Variants in ERMP1 observed in about 807,000 individuals in gnomAD.
ERMP1 encodes endoplasmic reticulum metallopeptidase 1, also known as Felix-ina.
In ERMP1, 86 loss-of-function variants were observed where a neutral mutation model predicts 92.0. The ratio of observed to expected loss-of-function variants is 0.93; its 90% CI spans 0.79 to 1.12. The LOEUF (loss-of-function observed/expected upper bound fraction) is 1.12. Among genes scored for constraint, ERMP1 ranks in the 50% most tolerant of loss-of-function variants. ERMP1 has a pLI of 0.00. For synonymous variants in ERMP1, 530 were observed against 412.8 expected (o/e 1.28, Z -3.44); for missense variants, 1,342 against 1,116.3 (o/e 1.20, Z -2.88).
chr9:5,847,704 G>T (rs535008840), intron 6 of ERMP1, among the ~76,000 whole-genome samples: 1 of 152,104 alleles, frequency 6.6e-6, no homozygotes, highest in East Asian at 1.9e-4. Context: ...GACCATCCTG[G>T]CTAACACGGT....
intron 5 of ERMP1, among the ~76,000 whole-genome samples, chr9:5,861,307 T>C (rs768446544): frequency 6.6e-6 from 1 of 151,916 alleles, no homozygotes; most frequent in Non-Finnish European, 1.5e-5. Flanking sequence ...ATCATTGGCC[T>C]TAGCTGTGCT....
intron 6 of ERMP1, among the ~76,000 whole-genome samples, chr9:5,844,075 T>A (rs1378844361): frequency 6.6e-6 from 1 of 152,050 alleles, no homozygotes; most frequent in East Asian, 1.9e-4. Flanking sequence ...AGACCTACAA[T>A]CAAACATACA....
At chr9:5,819,309 C>G (rs754693142) in intron 4 of ERMP1, among the ~76,000 whole-genome samples, 1 of 152,128 alleles carries the variant, frequency 6.6e-6, no homozygotes, top group Admixed American at 6.5e-5. Context: ...AAAACAGACT[C>G]ACTTGCGTTA....
chr9:5,855,366 G>A (rs1023234232), intron 6 of ERMP1, among the ~76,000 whole-genome samples: 1 of 152,186 alleles, frequency 6.6e-6, no homozygotes, highest in Non-Finnish European at 1.5e-5. Context: ...ACATACCAGA[G>A]AATCTGGGAG....
chr9:5,813,355 A>G (rs944510022), intron 4 of ERMP1, among the ~76,000 whole-genome samples: 12 of 152,212 alleles, frequency 7.9e-5, no homozygotes, highest in African/African-American at 2.9e-4. Flanking sequence ...TTACTAATGT[A>G]GAATTGTGTG....
intron 2 of ERMP1, among the ~76,000 whole-genome samples, chr9:5,827,873 G>C (rs532253561): frequency 1.3e-5 from 2 of 152,160 alleles, no homozygotes; most frequent in African/African-American, 4.8e-5. Flanking sequence ...AGCTACTCGG[G>C]AGGCTGAGGC....
rs1185673119 is a variant in ERMP1, at chr9:5,805,222, G to A, written c.1724-5C>T. 5.0e-6 allele frequency: 8 copies of A among 1,592,482 alleles called. No individual in the cohort carries two copies. The Admixed American group carries it at 1.3e-4, about 25-fold the overall frequency. On this transcript the variant is annotated splice_region_variant and splice_polypyrimidine_tract_variant and intron_variant, in intron 9 of 14. Coordinates refer to ENST00000339450, the MANE Select transcript of ERMP1 (RefSeq NM_024896.3). ...CAATAAATTTTCCTTGGGCACCTAG[G>A]GAAAAAGAGAAAAAAAGCACACATC...
chr9:5,809,995 T>C lies in ERMP1; in HGVS notation c.1548+16A>G, dbSNP rs1261886332. The C allele has an allele frequency of 2.0e-6, 3 of 1,526,878 alleles. No homozygotes were observed. The highest frequency in any genetic ancestry group is 1.7e-5 in the Admixed American group (1 of 59,836). 94.6% of individuals were successfully genotyped at this position (1,526,878 alleles called of 1,614,324 possible). On this transcript the variant is annotated intron_variant, in intron 8 of 14. Transcript: ENST00000339450. The stretch of plus-strand genomic sequence containing the variant: ...GAGGCAACAGAAAGAAATCAACAAA[T>C]ATACCAAACACTTACCATGTAATAA...
chr9:5,860,753 T>TA (rs112487613), intron 5 of ERMP1, among the ~76,000 whole-genome samples: 13 of 150,616 alleles, frequency 8.6e-5, no homozygotes, highest in African/African-American at 2.4e-4. Flanking sequence ...CTGGCCTCAT[T>TA]AAAAAAAAAC....
chr9:5,845,002 C>T (rs10975316), intron 6 of ERMP1, among the ~76,000 whole-genome samples: 7,448 of 152,130 alleles, frequency 0.049, 636 homozygotes, highest in African/African-American at 0.17. Context: ...CCTGCCAAAG[C>T]GAACAGGGGA....
At chr9:5,788,551 C>T (rs1828035145) in intron 13 of ERMP1, among the ~76,000 whole-genome samples, 1 of 152,224 alleles carries the variant, frequency 6.6e-6, no homozygotes, top group East Asian at 1.9e-4. Context: ...CACACCAACA[C>T]AAACTTCCTA....
chr9:5,854,166 G>A (rs1284055641), intron 6 of ERMP1, among the ~76,000 whole-genome samples: 1 of 151,880 alleles, frequency 6.6e-6, no homozygotes, highest in African/African-American at 2.4e-5. Context: ...AGTTTTACTG[G>A]GGATCTGGAG....
At chr9:5,854,679 C>A (rs1175718618) in intron 6 of ERMP1, among the ~76,000 whole-genome samples, 1 of 152,114 alleles carries the variant, frequency 6.6e-6, no homozygotes, top group Admixed American at 6.5e-5. Flanking sequence ...GCGTGCGTCA[C>A]CATGCCTGGC....
chr9:5,847,848 T>C (rs1055371387), intron 6 of ERMP1, among the ~76,000 whole-genome samples: 2 of 149,670 alleles, frequency 1.3e-5, no homozygotes, highest in African/African-American at 4.9e-5. Context: ...TGAGTCGAGA[T>C]GGCACCGCTG....
At position 5,819,618 on chromosome 9, in the gene ERMP1, GGTTTACTATGGCACATAGTTTCACA is replaced by G. The variant is rs767404160; in HGVS notation, c.874+4253_874+4277del. Reference sequence around the variant, plus strand: ...AACTTTTGTCTTCCTTTACTGCCCTGGTTTACTATGGCACATAGTTTCACAGTTTACTATGGCACATGTATTCCTA... The same window carrying G: ...AACTTTTGTCTTCCTTTACTGCCCTGGTTTACTATGGCACATGTATTCCTA... On this transcript the variant is annotated intron_variant, in intron 4 of 14. Coordinates refer to ENST00000339450, the MANE Select transcript of ERMP1 (RefSeq NM_024896.3). 4.7e-4 allele frequency among the ~76,000 whole-genome samples: 71 copies of G among 152,192 alleles called. No individual in the cohort carries two copies. The Middle Eastern group carries it at 0.017, about 36-fold the overall frequency.
At chr9:5,849,771 T>C (rs899769954) in intron 6 of ERMP1, among the ~76,000 whole-genome samples, 1 of 152,220 alleles carries the variant, frequency 6.6e-6, no homozygotes, top group Non-Finnish European at 1.5e-5. Flanking sequence ...TTGGTTCTTA[T>C]AGAAGAGCCT....
upstream of ERMP1, among the ~76,000 whole-genome samples, chr9:5,835,900 C>G (rs1029727199): frequency 6.6e-6 from 1 of 152,174 alleles, no homozygotes; most frequent in Non-Finnish European, 1.5e-5. Context: ...TAAAAGTAGA[C>G]CACAGTGAAT....
intron 6 of ERMP1, among the ~76,000 whole-genome samples, chr9:5,850,751 G>T (rs1399223611): frequency 6.6e-6 from 1 of 152,172 alleles, no homozygotes; most frequent in African/African-American, 2.4e-5. Context: ...TGATTCTAAT[G>T]TGCAGTCAGA....
chr9:5,841,922 T>C (rs1830168274), intron 6 of ERMP1, among the ~76,000 whole-genome samples: 1 of 152,170 alleles, frequency 6.6e-6, no homozygotes, highest in Non-Finnish European at 1.5e-5. Flanking sequence ...AAACCACATA[T>C]CTTCGCAGTG....
Sources: allele counts gnomAD v4.1 joint callset (sites outside exome capture counted in the v4.1 genomes callset), GRCh38; gene constraint gnomAD v4.1.1; transcripts MANE v1.5; gene names NCBI Gene and HGNC (gene_info 2026-07-23, HGNC 2026-07-21).